Variants in GPR75 observed in about 807,000 individuals in gnomAD.
GPR75 encodes G protein-coupled receptor 75, also known as probable G protein-coupled receptor 75.
GPR75 carries 27 observed loss-of-function variants against 26.0 expected under a neutral mutation model. The observed-to-expected ratio is 1.04, with a 90% CI of 0.77 to 1.43. The LOEUF (loss-of-function observed/expected upper bound fraction) is 1.43. Ranked by LOEUF, GPR75 falls within the 40% of genes most tolerant of loss-of-function variation. The pLI is 0.00. For synonymous variants in GPR75, 285 were observed against 256.3 expected, an observed-to-expected ratio of 1.11 and a Z score of -1.07; for missense variants, 699 against 662.3, an observed-to-expected ratio of 1.06 and a Z score of -0.61.
At chr2:53,857,500 C>A (rs1323987093) in intron 1 of GPR75, among the ~76,000 whole-genome samples, 1 of 151,730 alleles carries the variant, frequency 6.6e-6, no homozygotes, top group Non-Finnish European at 1.5e-5. Context: ...AATGAGGAGT[C>A]TGGAATTAGG....
At position 53,853,833 on chromosome 2, in the gene GPR75, G is replaced by A; in HGVS notation, c.924C>T (p.Ala308=). 1 of 1,614,160 alleles carries A rather than the reference G, an allele frequency of 6.2e-7. No individual in the cohort carries two copies. Among genetic ancestry groups the A allele is most frequent in the South Asian group, 1.1e-5 (1 of 91,086 alleles). Reference sequence around the variant, plus strand: ...AATCCTTGGCAGTGGAGAGGTTGATGGCTGATACGAGCTGGAGTCGGCTTG... The same window carrying A: ...AATCCTTGGCAGTGGAGAGGTTGATAGCTGATACGAGCTGGAGTCGGCTTG... The part of the protein sequence containing the change: ...PAASRLQLVS[A]INLSTAKDSK... The change falls in exon 2 of 2, where the codon GCC becomes GCT. Residue 308 remains alanine (A), a synonymous_variant. Transcript: ENST00000394705.
intron 1 of GPR75, among the ~76,000 whole-genome samples, chr2:53,857,766 T>C (rs1256281485): frequency 6.6e-6 from 1 of 152,142 alleles, no homozygotes; most frequent in Non-Finnish European, 1.5e-5. Flanking sequence ...TTAATAGAGA[T>C]GGAGTCTCAC....
intron 1 of GPR75, among the ~76,000 whole-genome samples, chr2:53,858,835 G>A (rs1678301482): frequency 6.6e-6 from 1 of 152,066 alleles, no homozygotes; most frequent in Non-Finnish European, 1.5e-5. Flanking sequence ...CTCTGGGACG[G>A]AGAATAGGTT....
chr2:53,858,076 T>G (rs376522340), intron 1 of GPR75, among the ~76,000 whole-genome samples: 1 of 152,168 alleles, frequency 6.6e-6, no homozygotes, highest in Non-Finnish European at 1.5e-5. Flanking sequence ...ATTTTGCAGA[T>G]GAGGAAACCA....
chr2:53,854,091 G>A lies in GPR75; in HGVS notation c.666C>T (p.Tyr222=). 2 of 1,614,176 alleles carry A rather than the reference G, an allele frequency of 1.2e-6. No homozygotes were observed. Among genetic ancestry groups the A allele is most frequent in the South Asian group, 1.1e-5 (1 of 91,084 alleles). Residue 222 remains tyrosine, a synonymous_variant, in exon 2 of 2, where the codon TAC becomes TAT. Coordinates refer to ENST00000394705, the MANE Select transcript of GPR75 (RefSeq NM_006794.4). ...TFCVAVVSVS[Y]IMIAQTLRKN... ...TCCGCAGGGTCTGAGCAATCATGAT[G>A]TAAGAGACAGAGACCACAGCAACAC...
intron 1 of GPR75, 95 bp from the exon 2 acceptor site, chr2:53,854,960 G>A: frequency 1.8e-6 from 1 of 553,074 alleles, no homozygotes; most frequent in Non-Finnish European, 3.2e-6. Flanking sequence ...AGTAGTATTA[G>A]TACTAGTATC....
chr2:53,854,826 A>ATTGCTCATCTG lies in GPR75; in HGVS notation c.-71_-70insCAGATGAGCAA. On this transcript the variant is annotated 5_prime_UTR_variant, in exon 2 of 2. The change creates a new upstream start codon in the 5' untranslated region. Transcript: ENST00000394705. ...AGTGAGTCAGGGCCTCAGCTCACAG[A>ATTGCTCATCTG]TGAGCAATATGTGACAAAAGAGGCC... 8.3e-7 allele frequency: 1 copy of ATTGCTCATCTG among 1,207,802 alleles called. No individual in the cohort carries two copies. Among genetic ancestry groups the ATTGCTCATCTG allele is most frequent in the Non-Finnish European group, 1.2e-6 (1 of 845,238 alleles). The allele number at this position is 1,207,802 out of a possible 1,614,324, so 74.8% of individuals were successfully genotyped here.
chr2:53,853,124 C>G lies in GPR75; in HGVS notation c.*10G>C. 6.2e-7 allele frequency: 1 copy of G among 1,602,552 alleles called. No individual in the cohort carries two copies. The highest frequency in any genetic ancestry group is 8.5e-7 in the Non-Finnish European group (1 of 1,170,946). ...AACTGTTTACATAAGATCCTATAGCCTCCATGACTTTAAACGGAGGGGACT... is the reference window on the plus strand; with the variant it reads ...AACTGTTTACATAAGATCCTATAGCGTCCATGACTTTAAACGGAGGGGACT... On this transcript the variant is annotated 3_prime_UTR_variant, in exon 2 of 2. Transcript: ENST00000394705.
In GPR75 at chr2:53,854,106, C is replaced by A. The variant is rs1558628865; in HGVS notation, c.651G>T (p.Val217=). The change falls in exon 2 of 2, where the codon GTG becomes GTT. Residue 217 remains valine, a synonymous_variant. Transcript: ENST00000394705. ...YVVDFTFCVA[V]VSVSYIMIAQ... ...CAATCATGATGTAAGAGACAGAGAC[C>A]ACAGCAACACAGAAGGTGAAGTCGA... 1 of 1,614,088 alleles carries A rather than the reference C, an allele frequency of 6.2e-7. No homozygotes were observed. The highest frequency in any genetic ancestry group is 8.5e-7 in the Non-Finnish European group (1 of 1,180,026).
rs776855671 is a variant in GPR75 at position 53,854,716 on chromosome 2, G to C, written c.41C>G (p.Thr14Ser). The change falls in exon 2 of 2, where the codon ACC (threonine) becomes AGC (serine). Residue 14 changes from threonine (T) to serine (S), a missense_variant. Coordinates refer to ENST00000394705, the MANE Select transcript of GPR75 (RefSeq NM_006794.4). ...CTGTGAGTGAGGCACATGGAGCGAGGTGGCATTGGGGGCATCCTGAAGGTG... is the reference window on the plus strand; with the variant it reads ...CTGTGAGTGAGGCACATGGAGCGAGCTGGCATTGGGGGCATCCTGAAGGTG... The part of the protein sequence containing the change: ...TGHLQDAPNA[T>S]SLHVPHSQEG... The C allele has an allele frequency of 2.1e-5, 34 of 1,613,926 alleles. No homozygotes were observed. In the Admixed American group the frequency reaches 4.7e-4, roughly 22 times the overall value.
rs72799239 is a variant in GPR75 at position 53,854,786 on chromosome 2, T to G, written c.-30A>C. 146,517 of 1,569,546 alleles carry G rather than the reference T, an allele frequency of 0.093. 7,939 individuals carry two copies. The highest frequency in any genetic ancestry group is 0.26 in the East Asian group (11,384 of 44,538). ...GGAGAGAAATGTCTCCTTCTTCTGCTCCCCAAAAATACTCAGTGAGTCAGG... is the reference window on the plus strand; with the variant it reads ...GGAGAGAAATGTCTCCTTCTTCTGCGCCCCAAAAATACTCAGTGAGTCAGG... On this transcript the variant is annotated 5_prime_UTR_variant, in exon 2 of 2. Transcript: ENST00000394705.
Position 53,853,255 on chromosome 2 carries a change from T to G in GPR75, c.1502A>C (p.Gln501Pro). Residue 501 changes from glutamine (Q) to proline (P), a missense_variant, in exon 2 of 2, where the codon CAG becomes CCG. Transcript: ENST00000394705. ...GGCAAATCCAAAAGAGTTTACTGGC[T>G]GTAAGTTACATGGGCTGCTCTCCTC... ...SQEESSPCNL[Q>P]PVNSFGFANS... 6 of 1,614,220 alleles carry G rather than the reference T, an allele frequency of 3.7e-6. No individual in the cohort carries two copies. Among genetic ancestry groups the G allele is most frequent in the Non-Finnish European group, 5.1e-6 (6 of 1,180,028 alleles).
At position 53,854,179 on chromosome 2, in the gene GPR75, G is replaced by A; in HGVS notation, c.578C>T (p.Ser193Phe). ...TTTCCCTTTTCCAGCAATCAGACTG[G>A]ACATGGGAAGACAGAGGTGGGACTT... The part of the protein sequence containing the change: ...TSKSHLCLPM[S>F]SLIAGKGKAI... Residue 193 changes from serine to phenylalanine, a missense_variant, in exon 2 of 2, where the codon TCC becomes TTC. Physicochemically the swap from Ser to Phe is radical, Grantham distance 155 (BLOSUM62 -2). Coordinates refer to ENST00000394705, the MANE Select transcript of GPR75 (RefSeq NM_006794.4). 6.2e-7 allele frequency: 1 copy of A among 1,614,144 alleles called. No individual in the cohort carries two copies. Among genetic ancestry groups the A allele is most frequent in the Non-Finnish European group, 8.5e-7 (1 of 1,180,004 alleles).
chr2:53,853,393 A>T lies in GPR75; in HGVS notation c.1364T>A (p.Met455Lys). 2.5e-6 allele frequency: 4 copies of T among 1,614,144 alleles called. No homozygotes were observed. The highest frequency in any genetic ancestry group is 3.4e-6 in the Non-Finnish European group (4 of 1,180,010). ...TCCAGCAGAGATCTTGGGACTCACC[A>T]TACTTTCTTTTGAATGACTTGGGCC... ...ACGPSHSKES[M>K]VSPKISAGHQ... Residue 455 changes from methionine to lysine, a missense_variant, in exon 2 of 2, where the codon ATG becomes AAG. By Grantham distance (95) the Met-to-Lys change is moderately conservative. Transcript: ENST00000394705.
Position 53,853,122 on chromosome 2 carries a change from G to A in GPR75, c.*12C>T. ...AAAACTGTTTACATAAGATCCTATA[G>A]CCTCCATGACTTTAAACGGAGGGGA... On this transcript the variant is annotated 3_prime_UTR_variant, in exon 2 of 2. Coordinates refer to ENST00000394705, the MANE Select transcript of GPR75 (RefSeq NM_006794.4). The A allele has an allele frequency of 1.3e-6, 2 of 1,593,376 alleles. No homozygotes were observed. Among genetic ancestry groups the A allele is most frequent in the Middle Eastern group, 1.7e-4 (1 of 6,006 alleles).
In GPR75 at chr2:53,853,041, G is replaced by A; in HGVS notation, c.*93C>T. On this transcript the variant is annotated 3_prime_UTR_variant, in exon 2 of 2. Coordinates refer to ENST00000394705, the MANE Select transcript of GPR75 (RefSeq NM_006794.4). The stretch of plus-strand genomic sequence containing the variant: ...GCCAACTTTTCAGTTGAATCTTGTA[G>A]GTTTTGATCCGCCACTGATCTCAAG... 1 of 887,518 alleles carries A rather than the reference G, an allele frequency of 1.1e-6. No individual in the cohort carries two copies. The highest frequency in any genetic ancestry group is 1.7e-6 in the Non-Finnish European group (1 of 579,366). 55.0% of individuals were successfully genotyped at this position (887,518 alleles called of 1,614,324 possible).
intron 1 of GPR75, 31 bp downstream of exon 1, chr2:53,859,797 T>C (rs1678331023): frequency 6.7e-7 from 1 of 1,497,938 alleles, no homozygotes; most frequent in South Asian, 1.2e-5. Flanking sequence ...ATCGTGGGGT[T>C]GTCCTCCTCC....
At chr2:53,855,721 A>T (rs1573160039) in intron 1 of GPR75, among the ~76,000 whole-genome samples, 1 of 152,186 alleles carries the variant, frequency 6.6e-6, no homozygotes, top group Non-Finnish European at 1.5e-5. Flanking sequence ...TATAGGCTGG[A>T]GGGTATTGTT....
At chr2:53,856,640 T>A (rs1678233376) in intron 1 of GPR75, among the ~76,000 whole-genome samples, 1 of 152,232 alleles carries the variant, frequency 6.6e-6, no homozygotes, top group Admixed American at 6.5e-5. Flanking sequence ...ATCAGACATA[T>A]ACCAGTCCTG....
Sources: gnomAD v4.1 joint callset for allele counts (sites outside exome capture counted in the v4.1 genomes callset) on GRCh38, gnomAD v4.1.1 for gene constraint, MANE v1.5 for transcripts, NCBI Gene and HGNC (gene_info 2026-07-23, HGNC 2026-07-21) for gene names.